Variants in COL27A1 observed in about 807,000 individuals in gnomAD.
COL27A1 encodes collagen type XXVII alpha 1 chain, also known as collagen alpha-1(XXVII) chain.
COL27A1 carries 106 observed loss-of-function variants against 251.3 expected under a neutral mutation model. The observed-to-expected ratio is 0.42, with a 90% CI of 0.36 to 0.50. COL27A1 has a LOEUF of 0.50. COL27A1 is among the 20% of genes least tolerant of loss of function. The probability of loss-of-function intolerance (pLI) is 0.00; values close to 1 mark genes in which losing one functional copy is unlikely to be tolerated. For missense variants in COL27A1, 2,325 were observed against 2,522.8 expected, an observed-to-expected ratio of 0.92 and a Z score of 1.68; for synonymous variants, 1,000 against 986.3, an observed-to-expected ratio of 1.01 and a Z score of -0.26.
Position 114,307,723 on chromosome 9 carries a change from C to T in COL27A1, c.5162C>T (p.Ser1721Phe). 1 of 1,614,200 alleles carries T rather than the reference C, an allele frequency of 6.2e-7. No homozygotes were observed. ...TGCTCCTCTGACACCATCGAGGTCT[C>T]CTGCAACTTCACTCATGGTGGACAG... ...LGCSSDTIEV[S>F]CNFTHGGQTC... The change falls in exon 59 of 61, where the codon TCC becomes TTC. Residue 1721 changes from serine (S) to phenylalanine (F), a missense_variant. By Grantham distance (155) the Ser-to-Phe change is radical. This residue lies in a region of COL27A1 where 327 missense variants were observed against 442.8 expected (regional missense o/e 0.74). Coordinates refer to ENST00000356083, the MANE Select transcript of COL27A1 (RefSeq NM_032888.4).
intron 42 of COL27A1, 42 bp downstream of exon 42, chr9:114,288,553 G>A: frequency 6.3e-7 from 1 of 1,576,342 alleles, no homozygotes; most frequent in Non-Finnish European, 8.6e-7. Context: ...CGTCCTAGGT[G>A]GAATCTGAGC....
rs772639154 is a variant in COL27A1 at position 114,168,430 on chromosome 9, T to C, written c.875T>C (p.Val292Ala). Residue 292 changes from valine (V) to alanine (A), a missense_variant, in exon 3 of 61, where the codon GTG becomes GCG. Around this residue, in one of 4 missense-constraint regions of COL27A1, gnomAD observed 1,183 missense variants for 1,144.1 expected, o/e 1.03. Transcript: ENST00000356083. The stretch of plus-strand genomic sequence containing the variant: ...GCAGGCAGGGGACCCAGGGGGACTG[T>C]GGCACCCGCCACGCCCACCAAGCCC... ...LPAGRGPRGTVAPATPTKPQR... is the reference protein window; with the variant it reads ...LPAGRGPRGTAAPATPTKPQR... The C allele has an allele frequency of 6.2e-7, 1 of 1,612,310 alleles. No homozygotes were observed. Among genetic ancestry groups the C allele is most frequent in the Admixed American group, 1.7e-5 (1 of 59,970 alleles).
chr9:114,310,305 T>G (rs917274791), intron 60 of COL27A1, among the ~76,000 whole-genome samples: 2 of 152,194 alleles, frequency 1.3e-5, no homozygotes, highest in Non-Finnish European at 2.9e-5. Flanking sequence ...AGAACAATCC[T>G]TCTAGAATTT....
chr9:114,156,413 G>C (rs1030303367), intron 1 of COL27A1, among the ~76,000 whole-genome samples: 6 of 151,978 alleles, frequency 3.9e-5, no homozygotes, highest in Admixed American at 3.9e-4. Flanking sequence ...CAGGTCCCAA[G>C]CCTGTACGTC....
intron 41 of COL27A1, among the ~76,000 whole-genome samples, chr9:114,286,342 G>A (rs938051076): frequency 3.3e-5 from 5 of 152,212 alleles, no homozygotes; most frequent in East Asian, 1.9e-4. Context: ...CAAGACAGGC[G>A]GGGAAACTGA....
intron 49 of COL27A1, among the ~76,000 whole-genome samples, chr9:114,296,792 G>C (rs1179362250): frequency 6.6e-6 from 1 of 152,000 alleles, no homozygotes; most frequent in Non-Finnish European, 1.5e-5. Context: ...GCCCCAAATT[G>C]AAAAAAACCT....
At chr9:114,291,007 C>A in intron 48 of COL27A1, 90 bp downstream of exon 48, 1 of 884,208 alleles carries the variant, frequency 1.1e-6, no homozygotes, top group South Asian at 1.8e-5. Context: ...GCACCCATGT[C>A]CCAGGGCCTG....
chr9:114,155,137 T>C (rs900900545), upstream of COL27A1, among the ~76,000 whole-genome samples: 36 of 151,984 alleles, frequency 2.4e-4, no homozygotes, highest in Admixed American at 2.2e-3. The surrounding 1 kb of genome is among the most constrained non-coding windows in gnomAD (Gnocchi z 5.5). Context: ...ATACTGGTTG[T>C]CGTGGGCGTC....
At chr9:114,274,431 T>C (rs1021713396) in intron 36 of COL27A1, among the ~76,000 whole-genome samples, 1 of 152,204 alleles carries the variant, frequency 6.6e-6, no homozygotes, top group Non-Finnish European at 1.5e-5. Context: ...GATTTAGCTC[T>C]GCCTCAGTTT....
chr9:114,301,819 A>C lies in COL27A1; in HGVS notation c.4845+102A>C, dbSNP rs1022667537. The C allele has an allele frequency of 2.5e-6, 3 of 1,181,466 alleles. No individual in the cohort carries two copies. In the African/African-American group the frequency reaches 4.6e-5, roughly 18 times the overall value. 73.2% of individuals were successfully genotyped at this position (1,181,466 alleles called of 1,614,324 possible). On this transcript the variant is annotated intron_variant, in intron 55 of 60. Coordinates refer to ENST00000356083, the MANE Select transcript of COL27A1 (RefSeq NM_032888.4). Reference sequence around the variant, plus strand: ...ACTAAGCCTTGACCCTGAACCCCACAGGGGTTCTTGTAGCCCACAGACTCC... The same window carrying C: ...ACTAAGCCTTGACCCTGAACCCCACCGGGGTTCTTGTAGCCCACAGACTCC...
rs139712391 is a variant in COL27A1, at chr9:114,179,832, CTTT to C, written c.1962+1512_1962+1514del. On this transcript the variant is annotated intron_variant, in intron 4 of 60. Transcript: ENST00000356083. ...GCAGTCTGCCTCCAGAGCCTACCAT[CTTT>C]TTTTTTTTTTTTTTTTTTTTTTTGC... Among the ~76,000 whole-genome samples, 973 of 100,064 alleles carry C rather than the reference CTTT, an allele frequency of 9.7e-3. 9 individuals are homozygous for C. Among genetic ancestry groups the C allele is most frequent in the African/African-American group, 0.021 (565 of 27,262 alleles). 65.6% of individuals were successfully genotyped at this position (100,064 alleles called of 152,430 possible).
chr9:114,261,827 A>G (rs1834362185), intron 28 of COL27A1, among the ~76,000 whole-genome samples: 1 of 152,204 alleles, frequency 6.6e-6, no homozygotes, highest in Admixed American at 6.5e-5. Context: ...CTGTGTGACC[A>G]TAGGCAAGTT....
rs749836877 is a variant in COL27A1 at position 114,288,926 on chromosome 9, G to A, written c.4111G>A (p.Val1371Met). 8.1e-6 allele frequency: 13 copies of A among 1,613,580 alleles called. No homozygotes were observed. Among genetic ancestry groups the A allele is most frequent in the Non-Finnish European group, 1.1e-5 (13 of 1,179,996 alleles). ...GDPGYPGQEG[V>M]QGLRGKPGQQ... ...CTTTGGCTTCCAGGGACAGGAGGGTGTGCAAGGCCTCCGTGGAAAGCCAGG... is the reference window on the plus strand; with the variant it reads ...CTTTGGCTTCCAGGGACAGGAGGGTATGCAAGGCCTCCGTGGAAAGCCAGG... Residue 1371 changes from valine to methionine, a missense_variant, in exon 44 of 61, where the codon GTG becomes ATG. Transcript: ENST00000356083.
At chr9:114,191,161 C>G (rs2135223044) in intron 5 of COL27A1, among the ~76,000 whole-genome samples, 1 of 152,298 alleles carries the variant, frequency 6.6e-6, no homozygotes, top group South Asian at 2.1e-4. Flanking sequence ...CCACTTACCA[C>G]CGGATTGTAG....
chr9:114,160,632 G>T (rs1473454732), intron 1 of COL27A1, among the ~76,000 whole-genome samples: 1 of 146,606 alleles, frequency 6.8e-6, no homozygotes, highest in Admixed American at 7.1e-5. Context: ...GAGCCCTGGA[G>T]TTCAAGTCTA....
rs1051346980 is a variant in COL27A1 at position 114,282,564 on chromosome 9, G to A, written c.3879G>A (p.Thr1293=). 1.1e-5 allele frequency: 16 copies of A among 1,506,246 alleles called. No individual in the cohort carries two copies. Among genetic ancestry groups the A allele is most frequent in the Non-Finnish European group, 1.4e-5 (16 of 1,128,216 alleles). The allele number at this position is 1,506,246 out of a possible 1,614,324, so 93.3% of individuals were successfully genotyped here. A position where few individuals can be genotyped will look rare whatever the true frequency, so the allele number is the denominator to read the frequency against. The change falls in exon 39 of 61, where the codon ACG becomes ACA. Residue 1293 remains threonine, a splice_region_variant and synonymous_variant. Transcript: ENST00000356083. ...GGTCCCGGGGCAGCCTGGGACCAACGGTGAGGACTCTCTGGCTGGGGTGGG... is the reference window on the plus strand; with the variant it reads ...GGTCCCGGGGCAGCCTGGGACCAACAGTGAGGACTCTCTGGCTGGGGTGGG... ...PKGSRGSLGP[T]GAPGRMGAQG...
intron 49 of COL27A1, among the ~76,000 whole-genome samples, chr9:114,298,386 A>T (rs900302167): frequency 1.3e-5 from 2 of 152,242 alleles, no homozygotes; most frequent in African/African-American, 2.4e-5. Context: ...GTGGCCCAGA[A>T]TAGCCAAAAT....
chr9:114,267,165 A>G (rs1174792021), intron 33 of COL27A1, among the ~76,000 whole-genome samples: 1 of 152,180 alleles, frequency 6.6e-6, no homozygotes, highest in Non-Finnish European at 1.5e-5. Flanking sequence ...GGCCCTAAAC[A>G]CAGCATCCAA....
intron 16 of COL27A1, among the ~76,000 whole-genome samples, chr9:114,234,178 C>T (rs1362811948): frequency 7.0e-6 from 1 of 143,276 alleles, no homozygotes; most frequent in Non-Finnish European, 1.5e-5. Context: ...ATTTTCACTC[C>T]TTTTTTTCAC....
Sources: gnomAD v4.1 joint callset for allele counts (sites outside exome capture counted in the v4.1 genomes callset) on GRCh38, gnomAD v4.1.1 for gene constraint, gnomAD v4.1.1 regional missense constraint, Gnocchi (gnomAD v3.1) non-coding constraint, MANE v1.5 for transcripts, NCBI Gene and HGNC (gene_info 2026-07-23, HGNC 2026-07-21) for gene names.